SLC9A3: variants seen among roughly 807,000 people sequenced by gnomAD.
The protein encoded by SLC9A3 is sodium/hydrogen exchanger 3.
A neutral mutation model predicts 86.8 loss-of-function variants in SLC9A3; 37 were observed. The ratio of observed to expected loss-of-function variants is 0.43; its 90% CI spans 0.33 to 0.56. The LOEUF (loss-of-function observed/expected upper bound fraction) is 0.56. SLC9A3 is among the 20% of genes least tolerant of loss of function. SLC9A3 has a pLI of 0.06. For missense variants in SLC9A3, 1,011 were observed against 1,171.9 expected (o/e 0.86, Z 2.00); for synonymous variants, 581 against 528.3 (o/e 1.10, Z -1.37).
At chr5:502,615 C>T (rs1022965349) in intron 1 of SLC9A3, among the ~76,000 whole-genome samples, 1 of 152,200 alleles carries the variant, frequency 6.6e-6, no homozygotes, top group African/African-American at 2.4e-5. Context: ...CAGACAAGGG[C>T]CTAAAACAGC....
rs114769714 is a variant in SLC9A3 at position 492,711 on chromosome 5, C to T, written c.212-640G>A. On this transcript the variant is annotated intron_variant, in intron 1 of 16. Transcript: ENST00000264938. ...CACCGCCCGGCTGGTTCTGGTCCCC[C>T]GGACCCCCAACTCGCTCTGTGCCTT... Among the ~76,000 whole-genome samples, 810 of 152,234 alleles carry T rather than the reference C, an allele frequency of 5.3e-3. 8 individuals are homozygous for T. The highest frequency in any genetic ancestry group is 0.016 in the African/African-American group (659 of 41,526).
chr5:484,035 G>A lies in SLC9A3; in HGVS notation c.932+485C>T, dbSNP rs537025017. Among the ~76,000 whole-genome samples, 6 of 152,338 alleles carry A rather than the reference G, an allele frequency of 3.9e-5. No homozygotes were observed. The East Asian group carries it at 7.7e-4, about 20-fold the overall frequency. ...CGGAGCTTCTGCCACACACACCCCC[G>A]GTGTCCATGCGGCTGGCACCTCCCT... On this transcript the variant is annotated intron_variant, in intron 5 of 16. Transcript: ENST00000264938.
intron 1 of SLC9A3, among the ~76,000 whole-genome samples, chr5:520,025 A>C (rs1225167517): frequency 6.6e-6 from 1 of 152,050 alleles, no homozygotes; most frequent in Non-Finnish European, 1.5e-5. Context: ...CCTCAGCAAC[A>C]CAAGCTCCAC....
At chr5:513,027 G>C (rs1212832369) in intron 1 of SLC9A3, among the ~76,000 whole-genome samples, 1 of 152,164 alleles carries the variant, frequency 6.6e-6, no homozygotes, top group East Asian at 1.9e-4. Flanking sequence ...AGCAAAACCC[G>C]AGACAGCAGA....
intron 10 of SLC9A3, 52 bp from the exon 11 acceptor site, chr5:477,496 G>T (rs753555195): frequency 7.3e-7 from 1 of 1,373,136 alleles, no homozygotes; most frequent in Non-Finnish European, 1.0e-6. Flanking sequence ...AGCCCTAGCT[G>T]CTGCCATTGT....
rs752362143 is a variant in SLC9A3 at position 475,708 on chromosome 5, T to TG, written c.2141-38dup. The stretch of plus-strand genomic sequence containing the variant: ...AGGTTGGGGTGAGGACTGGGGTCAC[T>TG]GGGGGGCTGTCCTCACAGCCCAGTC... On this transcript the variant is annotated intron_variant, in intron 14 of 16. Coordinates refer to ENST00000264938, the MANE Select transcript of SLC9A3 (RefSeq NM_004174.4). The TG allele has an allele frequency of 4.5e-5, 53 of 1,172,268 alleles. No individual in the cohort carries two copies. The Middle Eastern group carries it at 7.6e-4, about 17-fold the overall frequency. The allele number at this position is 1,172,268 out of a possible 1,614,324, so 72.6% of individuals were successfully genotyped here. A position where few individuals can be genotyped will look rare whatever the true frequency, so the allele number is the denominator to read the frequency against.
Position 473,290 on chromosome 5 carries a change from T to A in SLC9A3, c.*89A>T. 7.7e-7 allele frequency: 1 copy of A among 1,295,860 alleles called. No individual in the cohort carries two copies. The highest frequency in any genetic ancestry group is 9.9e-7 in the Non-Finnish European group (1 of 1,009,382). 80.3% of individuals were successfully genotyped at this position (1,295,860 alleles called of 1,614,324 possible). On this transcript the variant is annotated 3_prime_UTR_variant, in exon 17 of 17. Transcript: ENST00000264938. ...CGCGGTCGCTGTAGCCGCGCGGGGATCTGGGGTTTCTCTGGGACAGCGGCG... is the reference window on the plus strand; with the variant it reads ...CGCGGTCGCTGTAGCCGCGCGGGGAACTGGGGTTTCTCTGGGACAGCGGCG...
At position 489,188 on chromosome 5, in the gene SLC9A3, G is replaced by A. The variant is rs115637919; in HGVS notation, c.515-712C>T. The stretch of plus-strand genomic sequence containing the variant: ...CCCTCAGGGAACTGAGTGTGGCCAC[G>A]TGGCCCCGAGAGTCTGCCCTCTCTC... On this transcript the variant is annotated intron_variant, in intron 2 of 16. Coordinates refer to ENST00000264938, the MANE Select transcript of SLC9A3 (RefSeq NM_004174.4). Among the ~76,000 whole-genome samples, 399 of 152,318 alleles carry A rather than the reference G, an allele frequency of 2.6e-3. 1 individual carries two copies. Among genetic ancestry groups the A allele is most frequent in the African/African-American group, 9.1e-3 (378 of 41,580 alleles).
Position 479,746 on chromosome 5 carries a change from C to T in SLC9A3, c.1647+90G>A, listed in dbSNP as rs1480772033. 24 of 1,346,376 alleles carry T rather than the reference C, an allele frequency of 1.8e-5. No homozygotes were observed. The East Asian group carries it at 4.5e-4, about 25-fold the overall frequency. The allele number at this position is 1,346,376 out of a possible 1,614,324, so 83.4% of individuals were successfully genotyped here. ...TGGGCCTGGCCTTGGGACGCGGGTG[C>T]AGGGGCCTCTCCTCACTGCCCCATG... is the stretch of plus-strand genomic sequence containing the variant. On this transcript the variant is annotated intron_variant, in intron 10 of 16. Coordinates refer to ENST00000264938, the MANE Select transcript of SLC9A3 (RefSeq NM_004174.4).
intron 1 of SLC9A3, among the ~76,000 whole-genome samples, chr5:499,147 G>T (rs999258233): frequency 6.6e-6 from 1 of 152,248 alleles, no homozygotes; most frequent in Non-Finnish European, 1.5e-5. Context: ...TGCTCCACAC[G>T]GCTTTTCCCA....
In SLC9A3 at chr5:473,260, G is replaced by A. The variant is rs574423071; in HGVS notation, c.*119C>T. 1.8e-6 allele frequency: 2 copies of A among 1,116,198 alleles called. No individual in the cohort carries two copies. The highest frequency in any genetic ancestry group is 2.3e-6 in the Non-Finnish European group (2 of 876,694). The allele number at this position is 1,116,198 out of a possible 1,614,324, so 69.1% of individuals were successfully genotyped here. On this transcript the variant is annotated 3_prime_UTR_variant, in exon 17 of 17. Coordinates refer to ENST00000264938, the MANE Select transcript of SLC9A3 (RefSeq NM_004174.4). ...GCTGGCGTGGGCGAGGCGGGGCTCGGGGCTCGCGGTCGCTGTAGCCGCGCG... is the reference window on the plus strand; with the variant it reads ...GCTGGCGTGGGCGAGGCGGGGCTCGAGGCTCGCGGTCGCTGTAGCCGCGCG...
chr5:493,983 G>GA (rs1430810446), intron 1 of SLC9A3, among the ~76,000 whole-genome samples: 1 of 152,244 alleles, frequency 6.6e-6, no homozygotes, highest in Non-Finnish European at 1.5e-5. Context: ...TGGAATGAGG[G>GA]AGGGAGGCTG....
chr5:508,043 G>A (rs562622019), intron 1 of SLC9A3, among the ~76,000 whole-genome samples: 1 of 152,242 alleles, frequency 6.6e-6, no homozygotes, highest in East Asian at 1.9e-4. Context: ...ACACCCATGT[G>A]GCTCCAGTTC....
intron 1 of SLC9A3, among the ~76,000 whole-genome samples, chr5:519,833 G>A (rs959319938): frequency 6.6e-6 from 1 of 151,910 alleles, no homozygotes; most frequent in Admixed American, 6.6e-5. Context: ...TCAGAGGGGG[G>A]TGGGGGGGCT....
At chr5:506,528 A>T (rs977186986) in intron 1 of SLC9A3, among the ~76,000 whole-genome samples, 1 of 152,200 alleles carries the variant, frequency 6.6e-6, no homozygotes, top group African/African-American at 2.4e-5. Context: ...CAGAGCTGGG[A>T]CAGCAGCAAA....
At chr5:513,257 T>C (rs937554175) in intron 1 of SLC9A3, among the ~76,000 whole-genome samples, 2 of 152,132 alleles carry the variant, frequency 1.3e-5, no homozygotes, top group Non-Finnish European at 2.9e-5. Flanking sequence ...GCATCCCCTT[T>C]GGAGTTTTGG....
chr5:480,908 T>A (rs1052101918), intron 9 of SLC9A3: 2 of 152,310 alleles, frequency 1.3e-5, no homozygotes, highest in Admixed American at 1.3e-4. Flanking sequence ...TTTTTTATTT[T>A]GGGACGAAGT....
chr5:501,203 G>T (rs1211167322), intron 1 of SLC9A3, among the ~76,000 whole-genome samples: 1 of 152,134 alleles, frequency 6.6e-6, no homozygotes, highest in Non-Finnish European at 1.5e-5. Flanking sequence ...CTTCTCTCTG[G>T]GCCCCGGGGG....
At chr5:508,201 G>A (rs1288365381) in intron 1 of SLC9A3, among the ~76,000 whole-genome samples, 5 of 133,724 alleles carry the variant, frequency 3.7e-5, no homozygotes, top group African/African-American at 5.6e-5. Context: ...CAGGCCTCAG[G>A]ATGGAGTAGC....
Sources: allele counts gnomAD v4.1 joint callset (sites outside exome capture counted in the v4.1 genomes callset), GRCh38; gene constraint gnomAD v4.1.1; transcripts MANE v1.5; gene names NCBI Gene and HGNC (gene_info 2026-07-23, HGNC 2026-07-21).